Variants in ADGRD1 observed in about 807,000 individuals in gnomAD.
ADGRD1 encodes adhesion G protein-coupled receptor D1.
A neutral mutation model predicts 113.4 loss-of-function variants in ADGRD1; 77 were observed. The ratio of observed to expected loss-of-function variants is 0.68; its 90% CI spans 0.57 to 0.82. ADGRD1 has a LOEUF of 0.82. Ranked by LOEUF, ADGRD1 falls within the 40% of genes least tolerant of loss-of-function variation. ADGRD1 has a pLI of 0.00. For missense variants in ADGRD1, 1,036 were observed against 1,139.1 expected (o/e 0.91, Z 1.30); for synonymous variants, 474 against 475.0 (o/e 1.00, Z 0.03).
chr12:130,964,228 AAC>A lies in ADGRD1; in HGVS notation c.104-2234_104-2233del, dbSNP rs1200655440. On this transcript the variant is annotated intron_variant, in intron 2 of 24. Transcript: ENST00000261654. ...TACATATTATATAATATGCACAGAA[AAC>A]TTTGTTTTCTGATTGTGTTTTGTTT... 2.0e-3 allele frequency among the ~76,000 whole-genome samples: 298 copies of A among 152,048 alleles called. 1 individual carries two copies. Among genetic ancestry groups the A allele is most frequent in the African/African-American group, 6.9e-3 (287 of 41,452 alleles).
In ADGRD1 at chr12:131,096,881, G is replaced by A. The variant is rs11830690; in HGVS notation, c.1672-7950G>A. ...CCTGCTGCCCGGCTCTGCCTCCCAC[G>A]GCCGACCACTGTGCTGAGTTGCAGG... On this transcript the variant is annotated intron_variant, in intron 15 of 24. Coordinates refer to ENST00000261654, the MANE Select transcript of ADGRD1 (RefSeq NM_198827.5). This position sits in a 1 kb window ranked among gnomAD's most constrained non-coding sequence, Gnocchi z 5.2. Among the ~76,000 whole-genome samples, 13 of 152,106 alleles carry A rather than the reference G, an allele frequency of 8.5e-5. No homozygotes were observed. The highest frequency in any genetic ancestry group is 1.5e-4 in the Non-Finnish European group (10 of 68,028).
intron 18 of ADGRD1, among the ~76,000 whole-genome samples, chr12:131,112,409 C>T (rs1950367178): frequency 6.6e-6 from 1 of 152,152 alleles, no homozygotes; most frequent in Admixed American, 6.5e-5. Flanking sequence ...CAGGCCCCTT[C>T]GTAGGGGTAT....
chr12:131,110,421 A>G lies in ADGRD1; in HGVS notation c.2041+1544A>G, dbSNP rs1344928417. On this transcript the variant is annotated intron_variant, in intron 18 of 24. Transcript: ENST00000261654. ...CTTACTATATACATCTTAGCATATT[A>G]GAATCTATTCCAAATTTATACTAAA... Among the ~76,000 whole-genome samples the G allele has an allele frequency of 1.3e-5, 2 of 152,044 alleles. 1 individual carries two copies. The highest frequency in any genetic ancestry group is 4.8e-5 in the African/African-American group (2 of 41,376).
intron 21 of ADGRD1, among the ~76,000 whole-genome samples, chr12:131,132,762 G>T (rs1950971300): frequency 6.6e-6 from 1 of 152,186 alleles, no homozygotes; most frequent in African/African-American, 2.4e-5. Context: ...TGACTGTTCA[G>T]TTAGCACCCC....
chr12:131,131,537 C>G (rs1434338552), intron 20 of ADGRD1, among the ~76,000 whole-genome samples, 188 bp from the exon 21 acceptor site: 1 of 152,198 alleles, frequency 6.6e-6, no homozygotes, highest in Non-Finnish European at 1.5e-5. Context: ...CAGAGGCAAG[C>G]TTGCATGTTG....
At position 131,084,198 on chromosome 12, in the gene ADGRD1, C is replaced by T. The variant is rs1428228917; in HGVS notation, c.1548-342C>T. On this transcript the variant is annotated intron_variant, in intron 14 of 24. Coordinates refer to ENST00000261654, the MANE Select transcript of ADGRD1 (RefSeq NM_198827.5). This position sits in a 1 kb window ranked among gnomAD's most constrained non-coding sequence, Gnocchi z 4.5. ...CGTGTGCCGCTGCCCGTTCTCTAGG[C>T]GCAGGGCTGTGGGCCATGTGCGTTT... 5.9e-5 allele frequency among the ~76,000 whole-genome samples: 9 copies of T among 152,192 alleles called. No homozygotes were observed. The highest frequency in any genetic ancestry group is 1.9e-4 in the East Asian group (1 of 5,194).
rs1269479063 is a variant in ADGRD1, at chr12:131,136,029, C to A, written c.2268-8C>A. On this transcript the variant is annotated splice_polypyrimidine_tract_variant and splice_region_variant and intron_variant, in intron 21 of 24. Transcript: ENST00000261654. ...CCACTCAGGGTGACTGTCACTGTTTCTCTCCAGGTTGACAGCCAAGGCAGT... is the reference window on the plus strand; with the variant it reads ...CCACTCAGGGTGACTGTCACTGTTTATCTCCAGGTTGACAGCCAAGGCAGT... 1.2e-6 allele frequency: 2 copies of A among 1,614,074 alleles called. No homozygotes were observed. Among genetic ancestry groups the A allele is most frequent in the South Asian group, 1.1e-5 (1 of 91,070 alleles).
chr12:131,068,493 C>T (rs992337266), intron 13 of ADGRD1, among the ~76,000 whole-genome samples: 23 of 152,120 alleles, frequency 1.5e-4, no homozygotes, highest in African/African-American at 4.6e-4. Flanking sequence ...ACTTTTCCAA[C>T]GTGAGGAGGG....
chr12:131,104,149 C>T (rs2137320811), intron 15 of ADGRD1, among the ~76,000 whole-genome samples: 1 of 152,216 alleles, frequency 6.6e-6, no homozygotes, highest in East Asian at 1.9e-4. Context: ...GCGATCACCA[C>T]CGTGTCCATT....
At chr12:131,123,038 A>ATTTTTTTTTTTTTT (rs1950636788) in intron 20 of ADGRD1, among the ~76,000 whole-genome samples, 1 of 35,386 alleles carries the variant, frequency 2.8e-5, no homozygotes, top group Non-Finnish European at 5.9e-5. Context: ...TTACCTGGGG[A>ATTTTTTTTTTTTTT]GTTTTTTTTT....
intron 13 of ADGRD1, among the ~76,000 whole-genome samples, chr12:131,020,106 A>AG (rs370245646): frequency 5.7e-5 from 2 of 35,054 alleles, no homozygotes; most frequent in Non-Finnish European, 1.4e-4. Flanking sequence ...GAGATATTCC[A>AG]GGGGCAGGAC....
At chr12:130,962,432 G>A (rs1164973848) in intron 2 of ADGRD1, 1 of 152,176 alleles carries the variant, frequency 6.6e-6, no homozygotes, top group Non-Finnish European at 1.5e-5. Context: ...ATAAAGATGA[G>A]GATTCTGAAG....
chr12:131,044,977 C>T (rs1047398797), intron 13 of ADGRD1, among the ~76,000 whole-genome samples: 3 of 152,286 alleles, frequency 2.0e-5, no homozygotes, highest in Non-Finnish European at 1.5e-5. Context: ...TCTTGTTCCT[C>T]GTGCGTGGTG....
intron 8 of ADGRD1, among the ~76,000 whole-genome samples, chr12:130,992,713 T>G (rs1187823922): frequency 6.6e-6 from 1 of 152,268 alleles, no homozygotes; most frequent in East Asian, 1.9e-4. Context: ...CTCTGCTGCC[T>G]CCTGGCAACA....
chr12:131,133,323 C>T (rs546944302), intron 21 of ADGRD1, among the ~76,000 whole-genome samples: 2 of 152,320 alleles, frequency 1.3e-5, no homozygotes, highest in African/African-American at 4.8e-5. Context: ...GCACCTGCCC[C>T]GCACCTGTGC....
intron 11 of ADGRD1, 49 bp from the exon 12 acceptor site, chr12:131,005,923 C>A (rs1452025632): frequency 6.9e-7 from 1 of 1,452,488 alleles, no homozygotes; most frequent in Non-Finnish European, 9.6e-7. Flanking sequence ...GTTTTTCCTG[C>A]CTGTGGCCTG....
At chr12:130,983,150 C>T (rs185270756) in intron 5 of ADGRD1, among the ~76,000 whole-genome samples, 1 of 152,276 alleles carries the variant, frequency 6.6e-6, no homozygotes, top group East Asian at 1.9e-4. Context: ...TTTCCTCATT[C>T]ATAATATGGC....
chr12:131,059,460 C>A (rs555584602), intron 13 of ADGRD1, among the ~76,000 whole-genome samples: 1 of 152,204 alleles, frequency 6.6e-6, no homozygotes, highest in East Asian at 1.9e-4. Flanking sequence ...GGATTACAGA[C>A]GTTAGCCACC....
chr12:131,088,073 G>A (rs575126781), intron 15 of ADGRD1, among the ~76,000 whole-genome samples: 6 of 152,252 alleles, frequency 3.9e-5, no homozygotes, highest in Non-Finnish European at 8.8e-5. Context: ...TCGTGGTGTC[G>A]TAGGGAGCAG....
Sources: gnomAD v4.1 joint callset for allele counts (sites outside exome capture counted in the v4.1 genomes callset) on GRCh38, gnomAD v4.1.1 for gene constraint, Gnocchi (gnomAD v3.1) non-coding constraint, MANE v1.5 for transcripts, NCBI Gene and HGNC (gene_info 2026-07-23, HGNC 2026-07-21) for gene names.